Variants in MYO3A observed in about 807,000 individuals in gnomAD.
MYO3A encodes myosin-IIIa.
A neutral mutation model predicts 192.7 loss-of-function variants in MYO3A; 180 were observed. That is an observed-to-expected ratio of 0.93 (90% CI 0.83 to 1.06). The LOEUF (loss-of-function observed/expected upper bound fraction) is 1.06. Ranked by LOEUF, MYO3A falls within the 50% of genes least tolerant of loss-of-function variation. The pLI, the probability that MYO3A is intolerant of heterozygous loss-of-function variation, is 0.00. For synonymous variants in MYO3A, 628 were observed against 645.3 expected (o/e 0.97, Z 0.41); for missense variants, 1,896 against 1,905.0 (o/e 1.00, Z 0.09).
intron 17 of MYO3A, among the ~76,000 whole-genome samples, chr10:26,097,482 A>G (rs1487545724): frequency 6.6e-6 from 1 of 152,014 alleles, no homozygotes; most frequent in Non-Finnish European, 1.5e-5. Context: ...GGTGTGCTGC[A>G]CACATTAACT....
intron 6 of MYO3A, among the ~76,000 whole-genome samples, chr10:26,010,110 G>T (rs1841528131): frequency 6.6e-6 from 1 of 152,158 alleles, no homozygotes. Context: ...CAAACAGTGT[G>T]ATGTTGAGAT....
intron 7 of MYO3A, 106 bp from the exon 8 acceptor site, chr10:26,021,397 T>C (rs1842293179): frequency 3.0e-6 from 4 of 1,332,520 alleles, no homozygotes; most frequent in Non-Finnish European, 3.2e-6. Flanking sequence ...TACTTATAGC[T>C]ATCAAACTTC....
chr10:26,094,339 G>A lies in MYO3A; in HGVS notation c.1563-2042G>A, dbSNP rs150460389. ...GTTCTAAAACTCCACTGCATTATTG[G>A]AAGAGTAAATACATATGGATATATC... On this transcript the variant is annotated intron_variant, in intron 15 of 34. Transcript: ENST00000642920. Among the ~76,000 whole-genome samples, 431 of 151,706 alleles carry A rather than the reference G, an allele frequency of 2.8e-3. 2 individuals carry two copies. The highest frequency in any genetic ancestry group is 9.6e-3 in the African/African-American group (399 of 41,382).
chr10:25,944,332 TCA>T (rs1274961143), intron 2 of MYO3A, among the ~76,000 whole-genome samples: 2 of 152,062 alleles, frequency 1.3e-5, no homozygotes, highest in Non-Finnish European at 2.9e-5. Flanking sequence ...GCATGAATCT[TCA>T]CAGAGATATT....
At chr10:26,186,833 A>G (rs542193131) in intron 31 of MYO3A, among the ~76,000 whole-genome samples, 1 of 152,238 alleles carries the variant, frequency 6.6e-6, no homozygotes, top group Admixed American at 6.5e-5. Flanking sequence ...CAAGTCTATC[A>G]TGTGTCTTTT....
intron 10 of MYO3A, among the ~76,000 whole-genome samples, chr10:26,047,706 T>C (rs36015296): frequency 0.16 from 24,587 of 151,396 alleles, 2,287 homozygotes; most frequent in Non-Finnish European, 0.21. Context: ...ACCCGGGAGG[T>C]GGAGCTTGCA....
chr10:26,047,717 G>T (rs1843714698), intron 10 of MYO3A, among the ~76,000 whole-genome samples: 1 of 152,040 alleles, frequency 6.6e-6, no homozygotes, highest in Non-Finnish European at 1.5e-5. Context: ...GGAGCTTGCA[G>T]TGAGCCGAGA....
chr10:25,950,407 A>G (rs1022373591), intron 2 of MYO3A, among the ~76,000 whole-genome samples: 2 of 152,190 alleles, frequency 1.3e-5, no homozygotes, highest in Non-Finnish European at 2.9e-5. Context: ...TTGAGGAAAG[A>G]TATCACTTTG....
intron 17 of MYO3A, among the ~76,000 whole-genome samples, chr10:26,118,210 G>T (rs1838637460): frequency 6.6e-6 from 1 of 151,450 alleles, no homozygotes; most frequent in Non-Finnish European, 1.5e-5. Context: ...AAGGCCTATA[G>T]TTTCCTCAAG....
chr10:26,136,129 A>T (rs1024452057), intron 20 of MYO3A, among the ~76,000 whole-genome samples: 3 of 152,298 alleles, frequency 2.0e-5, no homozygotes, highest in East Asian at 1.9e-4. Flanking sequence ...CAAAGACAGC[A>T]TCACAAACCC....
Position 26,068,776 on chromosome 10 carries a change from C to T in MYO3A, c.1062C>T (p.Val354=). The T allele has an allele frequency of 6.4e-7, 1 of 1,570,684 alleles. No homozygotes were observed. Among genetic ancestry groups the T allele is most frequent in the Middle Eastern group, 1.7e-4 (1 of 6,002 alleles). The change falls in exon 12 of 35, where the codon GTC becomes GTT. Residue 354 remains valine (V), a synonymous_variant. Transcript: ENST00000642920. The part of the protein sequence containing the change: ...ATLEILDENT[V]SEQLEKCYSR... ...ATTTTATTTTATTGCAGAATACAGT[C>T]TCAGAGCAACTTGAGAAGTGTTATT... is the stretch of plus-strand genomic sequence containing the variant.
At chr10:25,940,801 C>T (rs1836439768) in intron 2 of MYO3A, among the ~76,000 whole-genome samples, 1 of 152,050 alleles carries the variant, frequency 6.6e-6, no homozygotes, top group African/African-American at 2.4e-5. Context: ...AATTATTTTC[C>T]TCTGTATGTA....
intron 17 of MYO3A, among the ~76,000 whole-genome samples, chr10:26,117,719 C>T (rs1393599676): frequency 1.3e-5 from 2 of 152,186 alleles, no homozygotes; most frequent in South Asian, 2.1e-4. Context: ...ATATGTCCCA[C>T]ATTTTCTTTA....
intron 26 of MYO3A, among the ~76,000 whole-genome samples, chr10:26,159,357 C>T (rs1192020516): frequency 7.4e-6 from 1 of 135,922 alleles, no homozygotes. Context: ...TCTTTTTTTT[C>T]TTTTTCTTTT....
At chr10:26,117,613 G>A (rs148386089) in intron 17 of MYO3A, among the ~76,000 whole-genome samples, 2,412 of 152,124 alleles carry the variant, frequency 0.016, 72 homozygotes, top group African/African-American at 0.053. Flanking sequence ...CTGTTCCTGC[G>A]CTATTTTGCT....
At chr10:26,156,483 G>A (rs1012496303) in intron 25 of MYO3A, among the ~76,000 whole-genome samples, 4 of 151,962 alleles carry the variant, frequency 2.6e-5, no homozygotes, top group African/African-American at 9.7e-5. Flanking sequence ...GTTTTAATAA[G>A]GTATTGCTAT....
chr10:26,147,638 A>T (rs1431145455), intron 23 of MYO3A, 79 bp downstream of exon 23: 2 of 1,593,166 alleles, frequency 1.3e-6, no homozygotes, highest in Non-Finnish European at 1.7e-6. Context: ...CACTAATTTC[A>T]TCCTTAATTT....
chr10:26,105,106 C>T (rs753260517), intron 17 of MYO3A, among the ~76,000 whole-genome samples: 7 of 152,070 alleles, frequency 4.6e-5, no homozygotes, highest in African/African-American at 7.2e-5. Flanking sequence ...TTTATTCAGC[C>T]GTTCAGCCAT....
At chr10:26,178,970 T>G (rs992041783) in intron 31 of MYO3A, among the ~76,000 whole-genome samples, 1 of 151,188 alleles carries the variant, frequency 6.6e-6, no homozygotes, top group African/African-American at 2.4e-5. Context: ...CCGGGCTAAT[T>G]TTTTATATTT....
Sources: allele counts gnomAD v4.1 joint callset (sites outside exome capture counted in the v4.1 genomes callset), GRCh38; gene constraint gnomAD v4.1.1; transcripts MANE v1.5; gene names NCBI Gene and HGNC (gene_info 2026-07-23, HGNC 2026-07-21).